The following RHBDD1 variants were observed in gnomAD, a reference collection of about 807,000 sequenced individuals.
RHBDD1 encodes rhomboid domain containing 1, also known as rhomboid-related protein 4.
A neutral mutation model predicts 36.3 loss-of-function variants in RHBDD1; 38 were observed. That is an observed-to-expected ratio of 1.05 (90% CI 0.81 to 1.37). The LOEUF is 1.37. Among genes scored for constraint, RHBDD1 ranks in the 40% most tolerant of loss-of-function variants. RHBDD1 has a pLI of 0.00. For missense variants in RHBDD1, 393 were observed against 377.6 expected, an observed-to-expected ratio of 1.04 and a Z score of -0.34; for synonymous variants, 151 against 136.5, an observed-to-expected ratio of 1.11 and a Z score of -0.74.
intron 8 of RHBDD1, among the ~76,000 whole-genome samples, chr2:226,948,548 C>A: frequency 1.9e-5 from 2 of 103,260 alleles, no homozygotes; most frequent in Admixed American, 1.1e-4. Context: ...GCACATGTAC[C>A]CTAAAACTTA....
At chr2:226,955,347 C>T (rs1031999359) in intron 8 of RHBDD1, among the ~76,000 whole-genome samples, 6 of 152,186 alleles carry the variant, frequency 3.9e-5, no homozygotes, top group Admixed American at 3.9e-4. Flanking sequence ...TGCATTAAAG[C>T]TTGTTAAAAG....
At chr2:226,979,927 T>C (rs1274494393) in intron 8 of RHBDD1, among the ~76,000 whole-genome samples, 1 of 152,052 alleles carries the variant, frequency 6.6e-6, no homozygotes, top group Non-Finnish European at 1.5e-5. Flanking sequence ...ATGGACAAAT[T>C]TGGGAATGTT....
chr2:226,914,118 C>T (rs757492502), intron 7 of RHBDD1, 90 bp from the exon 8 acceptor site: 24 of 1,102,842 alleles, frequency 2.2e-5, no homozygotes, highest in Non-Finnish European at 3.1e-5. Flanking sequence ...TAATGTTATG[C>T]CTTACTCGCT....
At chr2:226,925,259 G>A (rs1451679539) in intron 8 of RHBDD1, among the ~76,000 whole-genome samples, 1 of 152,016 alleles carries the variant, frequency 6.6e-6, no homozygotes, top group Non-Finnish European at 1.5e-5. Flanking sequence ...ATAGAGAGAT[G>A]GTCCAATATT....
the RHBDD1 span, among the ~76,000 whole-genome samples, chr2:226,814,748 C>G: frequency 6.6e-6 from 1 of 152,166 alleles, no homozygotes; most frequent in African/African-American, 2.4e-5. Flanking sequence ...TCCTGAGCAA[C>G]GGGTAGGCTA....
intron 8 of RHBDD1, chr2:226,988,299 C>G (rs1476597077): frequency 6.5e-7 from 1 of 1,541,638 alleles, no homozygotes; most frequent in Non-Finnish European, 8.8e-7. Context: ...CCCTGTCCTT[C>G]CCTTCCACTG....
In RHBDD1 at chr2:226,979,984, G is replaced by A. The variant is rs1373434176; in HGVS notation, c.857-15447G>A. Among the ~76,000 whole-genome samples the A allele has an allele frequency of 4.6e-5, 7 of 152,204 alleles. No individual in the cohort carries two copies. In the East Asian group the frequency reaches 1.2e-3, roughly 25 times the overall value. On this transcript the variant is annotated intron_variant, in intron 8 of 8. Coordinates refer to ENST00000392062, the MANE Select transcript of RHBDD1 (RefSeq NM_001167608.3). ...GATGGATTGAATTTGGGGACAGGAC[G>A]AGTGGAAGAGGAAGGTGTCAAGGAA... is the stretch of plus-strand genomic sequence containing the variant.
chr2:226,871,820 C>A (rs944804890), intron 5 of RHBDD1, among the ~76,000 whole-genome samples: 7 of 152,170 alleles, frequency 4.6e-5, no homozygotes, highest in Non-Finnish European at 5.9e-5. Flanking sequence ...TCAGGAAGGA[C>A]ATACATGCCA....
chr2:226,910,210 G>C (rs955231943), intron 7 of RHBDD1, among the ~76,000 whole-genome samples: 6 of 152,190 alleles, frequency 3.9e-5, no homozygotes, highest in Admixed American at 2.0e-4. Flanking sequence ...GAGGACTGAA[G>C]AGAACAGCTT....
intron 5 of RHBDD1, among the ~76,000 whole-genome samples, chr2:226,894,253 A>G (rs1946911223): frequency 6.6e-6 from 1 of 152,140 alleles, no homozygotes; most frequent in Admixed American, 6.5e-5. Flanking sequence ...GTGCCTGAGC[A>G]TTTGTAATTC....
chr2:226,981,271 C>G (rs1481813847), intron 8 of RHBDD1, among the ~76,000 whole-genome samples: 2 of 151,976 alleles, frequency 1.3e-5, no homozygotes, highest in Non-Finnish European at 2.9e-5. Context: ...ATGTAAATGC[C>G]GAGTTGATGG....
chr2:226,864,128 A>T (rs968796543), intron 3 of RHBDD1, among the ~76,000 whole-genome samples: 1 of 152,238 alleles, frequency 6.6e-6, no homozygotes, highest in Admixed American at 6.5e-5. Context: ...ATTAAAGATA[A>T]TGTATGCTCG....
At chr2:226,825,163 G>T in the RHBDD1 span, among the ~76,000 whole-genome samples, 1 of 152,136 alleles carries the variant, frequency 6.6e-6, no homozygotes, top group African/African-American at 2.4e-5. Context: ...TTTAGGAGGG[G>T]TGGTTTAGAA....
chr2:226,982,644 G>A (rs540813257), intron 8 of RHBDD1, among the ~76,000 whole-genome samples: 105 of 152,162 alleles, frequency 6.9e-4, no homozygotes, highest in Non-Finnish European at 1.1e-3. Context: ...CAAAGTATAT[G>A]AGTTTGTAGC....
intron 7 of RHBDD1, among the ~76,000 whole-genome samples, chr2:226,909,620 G>A (rs1196441270): frequency 2.0e-5 from 3 of 152,006 alleles, no homozygotes; most frequent in African/African-American, 4.8e-5. Flanking sequence ...TGAGGGTAGG[G>A]CCCTCATGAA....
intron 5 of RHBDD1, among the ~76,000 whole-genome samples, chr2:226,888,190 C>T (rs1418333264): frequency 1.3e-5 from 2 of 152,178 alleles, no homozygotes; most frequent in Non-Finnish European, 2.9e-5. Context: ...AATATTTAAA[C>T]TTCCCTCCCT....
chr2:226,814,543 G>A, the RHBDD1 span, among the ~76,000 whole-genome samples: 489 of 152,236 alleles, frequency 3.2e-3, 18 homozygotes, highest in East Asian at 0.058. Context: ...AGCAAAGGTA[G>A]GCTAGTTAGG....
chr2:226,833,429 C>T (rs1378641342), upstream of RHBDD1, among the ~76,000 whole-genome samples: 3 of 152,186 alleles, frequency 2.0e-5, no homozygotes, highest in Admixed American at 6.5e-5. Context: ...GTCTACCTTC[C>T]TGCCAGTCCT....
the RHBDD1 span, among the ~76,000 whole-genome samples, chr2:226,811,426 T>C: frequency 6.6e-6 from 1 of 152,204 alleles, no homozygotes; most frequent in South Asian, 2.1e-4. Context: ...CTCAGCCTCC[T>C]GAGTAGCTGG....
Sources: gnomAD v4.1 joint callset for allele counts (sites outside exome capture counted in the v4.1 genomes callset) on GRCh38, gnomAD v4.1.1 for gene constraint, MANE v1.5 for transcripts, NCBI Gene and HGNC (gene_info 2026-07-23, HGNC 2026-07-21) for gene names.